The following TMEM38B variants were observed in gnomAD, a reference collection of about 807,000 sequenced individuals.
TMEM38B encodes the protein trimeric intracellular cation channel type B.
In TMEM38B, 24 loss-of-function variants were observed where a neutral mutation model predicts 28.7. The observed-to-expected ratio is 0.84, with a 90% CI of 0.61 to 1.18. The LOEUF is 1.18. Among genes scored for constraint, TMEM38B ranks in the 50% most tolerant of loss-of-function variants. The pLI is 0.00. For synonymous variants in TMEM38B, 131 were observed against 127.7 expected, an observed-to-expected ratio of 1.03 and a Z score of -0.17; for missense variants, 380 against 350.9, an observed-to-expected ratio of 1.08 and a Z score of -0.66.
chr9:105,738,040 A>G (rs10816310), intron 4 of TMEM38B, among the ~76,000 whole-genome samples: 35,207 of 151,956 alleles, frequency 0.23, 6,667 homozygotes, highest in African/African-American at 0.5. Flanking sequence ...GGAAGGGTAC[A>G]GTAGCTATTT....
chr9:105,751,460 A>C (rs1309068408), intron 5 of TMEM38B, among the ~76,000 whole-genome samples: 1 of 152,204 alleles, frequency 6.6e-6, no homozygotes, highest in Admixed American at 6.5e-5. Flanking sequence ...TTGGCAGAGC[A>C]GCTGCTCAGT....
At position 105,775,967 on chromosome 9, in the gene TMEM38B, T is replaced by C. The variant is rs1826709665; in HGVS notation, c.*1887T>C. The C allele has an allele frequency of 1.3e-5, 2 of 152,222 alleles. No individual in the cohort carries two copies. The highest frequency in any genetic ancestry group is 4.8e-5 in the African/African-American group (2 of 41,456). The allele number at this position is 152,222 out of a possible 1,614,324, so 9.4% of individuals were successfully genotyped here. A position where few individuals can be genotyped will look rare whatever the true frequency, so the allele number is the denominator to read the frequency against. On this transcript the variant is annotated 3_prime_UTR_variant, in exon 6 of 6. Coordinates refer to ENST00000374692, the MANE Select transcript of TMEM38B (RefSeq NM_018112.3). ...TTTATTAATCTATGCAAGTATCCTA[T>C]AACCCTCAATTCAAGGCTCTTTTGT...
intron 4 of TMEM38B, among the ~76,000 whole-genome samples, chr9:105,733,296 G>A (rs1836835639): frequency 6.6e-6 from 1 of 152,116 alleles, no homozygotes; most frequent in Non-Finnish European, 1.5e-5. Flanking sequence ...AACACAAACA[G>A]CCATCTCTTG....
At position 105,753,735 on chromosome 9, in the gene TMEM38B, A is replaced by G. The variant is rs899334457; in HGVS notation, c.660+5545A>G. 2.0e-5 allele frequency among the ~76,000 whole-genome samples: 3 copies of G among 152,350 alleles called. No individual in the cohort carries two copies. The East Asian group carries it at 5.8e-4, about 29-fold the overall frequency. ...ACACACTGAAGCACAGACCAGTGAC[A>G]CTATGAAGCAACCATATAAACAAGT... On this transcript the variant is annotated intron_variant, in intron 5 of 5. Coordinates refer to ENST00000374692, the MANE Select transcript of TMEM38B (RefSeq NM_018112.3).
At chr9:105,729,525 G>A (rs560758498) in intron 4 of TMEM38B, among the ~76,000 whole-genome samples, 43 of 152,276 alleles carry the variant, frequency 2.8e-4, no homozygotes, top group African/African-American at 9.1e-4. Flanking sequence ...GATGCCTCCA[G>A]CTTTGTTCTT....
chr9:105,696,525 C>T (rs1387763137), intron 1 of TMEM38B, among the ~76,000 whole-genome samples: 1 of 152,128 alleles, frequency 6.6e-6, no homozygotes, highest in East Asian at 1.9e-4. Context: ...TTTATGTTAA[C>T]ATTTAATACA....
chr9:105,764,974 A>C (rs1425457286), intron 5 of TMEM38B, among the ~76,000 whole-genome samples: 1 of 152,210 alleles, frequency 6.6e-6, no homozygotes, highest in Admixed American at 6.5e-5. Flanking sequence ...AAAAACAAGC[A>C]ATGGGGGAAG....
intron 4 of TMEM38B, among the ~76,000 whole-genome samples, chr9:105,733,139 G>T (rs1231047101): frequency 6.6e-6 from 1 of 152,140 alleles, no homozygotes; most frequent in African/African-American, 2.4e-5. Flanking sequence ...TTGCTGAGAA[G>T]TGTTTTGCTT....
At chr9:105,728,243 G>C (rs901041213) in intron 4 of TMEM38B, among the ~76,000 whole-genome samples, 1 of 150,928 alleles carries the variant, frequency 6.6e-6, no homozygotes, top group Non-Finnish European at 1.5e-5. Context: ...CTCTCTCCCA[G>C]CCCCCCAGCC....
intron 4 of TMEM38B, among the ~76,000 whole-genome samples, chr9:105,742,272 T>C (rs1248305400): frequency 6.6e-6 from 1 of 152,204 alleles, no homozygotes. Flanking sequence ...GCCAGGCCCA[T>C]AGGCTGGATT....
Position 105,776,145 on chromosome 9 carries a change from A to G in TMEM38B, c.*2065A>G, listed in dbSNP as rs1826714254. Reference sequence around the variant, plus strand: ...TAAGGCCTATAGGCCTGCCTCACACAGCTAATCAGAGGTGGCACTGAGAAA... The same window carrying G: ...TAAGGCCTATAGGCCTGCCTCACACGGCTAATCAGAGGTGGCACTGAGAAA... On this transcript the variant is annotated 3_prime_UTR_variant, in exon 6 of 6. Transcript: ENST00000374692. 1 of 152,164 alleles carries G rather than the reference A, an allele frequency of 6.6e-6. No individual in the cohort carries two copies. Among genetic ancestry groups the G allele is most frequent in the African/African-American group, 2.4e-5 (1 of 41,418 alleles). 9.4% of individuals were successfully genotyped at this position (152,164 alleles called of 1,614,324 possible).
chr9:105,733,947 TATTTG>T (rs1053293187), intron 4 of TMEM38B, among the ~76,000 whole-genome samples: 36 of 152,226 alleles, frequency 2.4e-4, no homozygotes, highest in African/African-American at 7.2e-4. Flanking sequence ...ATGTTTTTTC[TATTTG>T]ATTTATTTCT....
intron 1 of TMEM38B, among the ~76,000 whole-genome samples, chr9:105,704,672 T>C (rs990664191): frequency 6.6e-6 from 1 of 151,992 alleles, no homozygotes; most frequent in African/African-American, 2.4e-5. Flanking sequence ...ACGCCTGTAA[T>C]TCCAGCACTT....
At chr9:105,740,704 A>G (rs1837171151) in intron 4 of TMEM38B, among the ~76,000 whole-genome samples, 3 of 152,126 alleles carry the variant, frequency 2.0e-5, no homozygotes, top group Non-Finnish European at 4.4e-5. Flanking sequence ...CCCACAAGTA[A>G]CTCTTTTAGA....
At chr9:105,729,584 A>T (rs1836654189) in intron 4 of TMEM38B, among the ~76,000 whole-genome samples, 1 of 151,984 alleles carries the variant, frequency 6.6e-6, no homozygotes, top group Non-Finnish European at 1.5e-5. Context: ...GTTTCCATAT[A>T]AACTTTAAAG....
At chr9:105,697,876 A>T (rs538966866) in intron 1 of TMEM38B, among the ~76,000 whole-genome samples, 1 of 152,162 alleles carries the variant, frequency 6.6e-6, no homozygotes, top group East Asian at 1.9e-4. Flanking sequence ...ATCTTTTTTT[A>T]AAAAATTCTA....
At chr9:105,760,345 G>T (rs964116379) in intron 5 of TMEM38B, 2 of 768,988 alleles carry the variant, frequency 2.6e-6, no homozygotes, top group Non-Finnish European at 4.8e-6. Flanking sequence ...TTTCTTACTG[G>T]ATCATCATCA....
chr9:105,705,784 A>G, intron 2 of TMEM38B, 31 bp downstream of exon 2: 3 of 1,582,892 alleles, frequency 1.9e-6, no homozygotes, highest in South Asian at 1.1e-5. Context: ...CCTATGTGAC[A>G]TTTAAACAAT....
At chr9:105,745,863 T>A (rs1344665298) in intron 4 of TMEM38B, among the ~76,000 whole-genome samples, 19 of 152,198 alleles carry the variant, frequency 1.2e-4, no homozygotes, top group Admixed American at 1.1e-3. Context: ...CTTGTTTTTG[T>A]CAGGTTTGTC....
Sources: gnomAD v4.1 joint callset for allele counts (sites outside exome capture counted in the v4.1 genomes callset) on GRCh38, gnomAD v4.1.1 for gene constraint, MANE v1.5 for transcripts, NCBI Gene and HGNC (gene_info 2026-07-23, HGNC 2026-07-21) for gene names.